NSD3: variants seen among roughly 807,000 people sequenced by gnomAD.
NSD3 encodes the protein nuclear receptor binding SET domain protein 3.
NSD3 carries 24 observed loss-of-function variants against 160.8 expected under a neutral mutation model. The observed-to-expected ratio is 0.15, with a 90% CI of 0.11 to 0.21. NSD3 has a LOEUF of 0.21. Ranked by LOEUF, NSD3 falls within the 10% of genes least tolerant of loss-of-function variation. The pLI is 1.00. For synonymous variants in NSD3, 520 were observed against 600.0 expected (o/e 0.87, Z 1.95); for missense variants, 1,157 against 1,735.9 (o/e 0.67, Z 5.93).
chr8:38,279,505 G>C, intron 21 of NSD3, 35 bp downstream of exon 21: 1 of 1,608,988 alleles, frequency 6.2e-7, no homozygotes, highest in Non-Finnish European at 8.5e-7. Flanking sequence ...TTTCTTCCTA[G>C]GGAGGAAAGC....
intron 2 of NSD3, among the ~76,000 whole-genome samples, 198 bp downstream of exon 2, chr8:38,347,299 A>G (rs1018247763): frequency 2.0e-5 from 3 of 152,236 alleles, no homozygotes; most frequent in African/African-American, 7.2e-5. Context: ...TGTTTTAAAA[A>G]TATTTCTTAA....
At chr8:38,339,542 T>G (rs763218303) in intron 2 of NSD3, among the ~76,000 whole-genome samples, 2 of 152,042 alleles carry the variant, frequency 1.3e-5, no homozygotes, top group Non-Finnish European at 2.9e-5. Context: ...CTGGCCAACA[T>G]GGTGAAACCC....
intron 22 of NSD3, 25 bp from the exon 23 acceptor site, chr8:38,276,525 T>A (rs1398386222): frequency 1.2e-6 from 2 of 1,613,124 alleles, no homozygotes; most frequent in Non-Finnish European, 1.7e-6. Context: ...AGGATCATAG[T>A]TTCAAACATC....
intron 16 of NSD3, among the ~76,000 whole-genome samples, chr8:38,291,258 T>G (rs1296864463): frequency 6.6e-6 from 1 of 152,202 alleles, no homozygotes; most frequent in African/African-American, 2.4e-5. Context: ...GTGGACAGAA[T>G]GAAAATATAA....
chr8:38,321,211 AAGGAT>A lies in NSD3; in HGVS notation c.1709-44_1709-40del. 1 of 1,545,410 alleles carries A rather than the reference AAGGAT, an allele frequency of 6.5e-7. No homozygotes were observed. The highest frequency in any genetic ancestry group is 8.8e-7 in the Non-Finnish European group (1 of 1,130,098). On this transcript the variant is annotated intron_variant, in intron 7 of 23. Coordinates refer to ENST00000317025, the MANE Select transcript of NSD3 (RefSeq NM_023034.2). This position sits in a 1 kb window ranked among gnomAD's most constrained non-coding sequence, Gnocchi z 4.7. ...TAAACACACAAACAAAAACTCACTTAAGGATACCTTGACATCTATGTAATTAAGAT... is the reference window on the plus strand; with the variant it reads ...TAAACACACAAACAAAAACTCACTTAACCTTGACATCTATGTAATTAAGAT...
At chr8:38,297,724 A>G (rs1809186190) in intron 15 of NSD3, among the ~76,000 whole-genome samples, 1 of 152,204 alleles carries the variant, frequency 6.6e-6, no homozygotes, top group Admixed American at 6.5e-5. Context: ...GTATAGATTA[A>G]TTGATTCAAT....
intron 1 of NSD3, among the ~76,000 whole-genome samples, chr8:38,370,455 A>C (rs908320251): frequency 6.6e-6 from 1 of 151,948 alleles, no homozygotes; most frequent in Non-Finnish European, 1.5e-5. Flanking sequence ...TAATTCAAAA[A>C]AATATACCTC....
intron 1 of NSD3, among the ~76,000 whole-genome samples, chr8:38,358,230 A>G (rs758304880): frequency 6.6e-6 from 1 of 152,204 alleles, no homozygotes; most frequent in Non-Finnish European, 1.5e-5. Context: ...ATAATCAATC[A>G]TACTATAAAA....
chr8:38,294,261 A>G (rs1233157186), intron 16 of NSD3, among the ~76,000 whole-genome samples: 1 of 151,992 alleles, frequency 6.6e-6, no homozygotes, highest in Non-Finnish European at 1.5e-5. Context: ...ATGCCCAGCT[A>G]ATTTGTATAT....
At chr8:38,333,987 C>T (rs1420443793) in intron 4 of NSD3, among the ~76,000 whole-genome samples, 1 of 152,216 alleles carries the variant, frequency 6.6e-6, no homozygotes, top group Non-Finnish European at 1.5e-5. Context: ...ACAGGAGATT[C>T]ACTCATTTCT....
intron 1 of NSD3, among the ~76,000 whole-genome samples, chr8:38,349,288 T>C (rs1810610546): frequency 6.6e-6 from 1 of 152,172 alleles, no homozygotes; most frequent in Non-Finnish European, 1.5e-5. Context: ...AATTGTTTGA[T>C]ATAATAAATA....
At chr8:38,376,594 C>A (rs948346953) in intron 1 of NSD3, among the ~76,000 whole-genome samples, 2 of 152,102 alleles carry the variant, frequency 1.3e-5, no homozygotes, top group South Asian at 2.1e-4. Context: ...CACCACCGGG[C>A]CCGGCTAATT....
Position 38,376,417 on chromosome 8 carries a change from A to C in NSD3, c.-45+5382T>G, listed in dbSNP as rs77331229. Among the ~76,000 whole-genome samples, 405 of 151,988 alleles carry C rather than the reference A, an allele frequency of 2.7e-3. 1 individual carries two copies. The highest frequency in any genetic ancestry group is 9.4e-3 in the African/African-American group (390 of 41,482). ...TTGCCCCCTCACCTTGAGTTTTCAT[A>C]GGCAGCTCTAATTCTTTCTTTCTTT... On this transcript the variant is annotated intron_variant, in intron 1 of 23. Coordinates refer to ENST00000317025, the MANE Select transcript of NSD3 (RefSeq NM_023034.2).
chr8:38,355,998 C>T (rs140917648), intron 1 of NSD3, among the ~76,000 whole-genome samples: 91 of 152,264 alleles, frequency 6.0e-4, no homozygotes, highest in African/African-American at 2.0e-3. Context: ...AGCTTACTTC[C>T]CACAATCCCT....
intron 1 of NSD3, among the ~76,000 whole-genome samples, chr8:38,352,449 CACAACTCTGCAAGATAG>C (rs1185181142): frequency 6.6e-6 from 1 of 152,180 alleles, no homozygotes; most frequent in Admixed American, 6.5e-5. Flanking sequence ...ATTTAATAAT[CACAACTCTGCAAGATAG>C]GGATTGTGAT....
At position 38,319,200 on chromosome 8, in the gene NSD3, G is replaced by A. The variant is rs1481397744; in HGVS notation, c.1810-260C>T. 2.4e-5 allele frequency: 9 copies of A among 382,550 alleles called. No homozygotes were observed. Among genetic ancestry groups the A allele is most frequent in the Non-Finnish European group, 4.2e-5 (9 of 214,206 alleles). 23.7% of individuals were successfully genotyped at this position (382,550 alleles called of 1,614,324 possible). A position where few individuals can be genotyped will look rare whatever the true frequency, so the allele number is the denominator to read the frequency against. On this transcript the variant is annotated intron_variant, in intron 8 of 23. Transcript: ENST00000317025. The surrounding 1 kb of genome is among the most constrained non-coding windows in gnomAD (Gnocchi z 4.1). Reference sequence around the variant, plus strand: ...AAAGACTTTTCCCACCATTCCCTTGGTATATGAAGAGAACAAGAATACTTT... The same window carrying A: ...AAAGACTTTTCCCACCATTCCCTTGATATATGAAGAGAACAAGAATACTTT...
rs879238126 is a variant in NSD3, at chr8:38,295,955, T to C, written c.2759-3A>G. The C allele has an allele frequency of 6.2e-7, 1 of 1,607,162 alleles. No homozygotes were observed. Among genetic ancestry groups the C allele is most frequent in the African/African-American group, 1.3e-5 (1 of 74,490 alleles). ...TTCACAGCAGAGCAATCTTCCACCT[T>C]GAAACAAATAAACAGTCTTAATAAC... On this transcript the variant is annotated splice_polypyrimidine_tract_variant and splice_region_variant and intron_variant, in intron 15 of 23. Coordinates refer to ENST00000317025, the MANE Select transcript of NSD3 (RefSeq NM_023034.2).
At chr8:38,290,728 C>A (rs756413344) in intron 16 of NSD3, 51 bp from the exon 17 acceptor site, 2 of 1,591,702 alleles carry the variant, frequency 1.3e-6, no homozygotes, top group African/African-American at 1.3e-5. Context: ...AAACAAAAAA[C>A]CACTATTTAC....
At chr8:38,327,784 T>C (rs573093365) in intron 6 of NSD3, among the ~76,000 whole-genome samples, 1 of 152,354 alleles carries the variant, frequency 6.6e-6, no homozygotes, top group Non-Finnish European at 1.5e-5. Flanking sequence ...TCACTCATGG[T>C]GACCAAAATG....
Sources: allele counts gnomAD v4.1 joint callset (sites outside exome capture counted in the v4.1 genomes callset), GRCh38; gene constraint gnomAD v4.1.1; non-coding constraint Gnocchi (gnomAD v3.1); transcripts MANE v1.5; gene names NCBI Gene and HGNC (gene_info 2026-07-23, HGNC 2026-07-21).